PISD: variants seen among roughly 807,000 people sequenced by gnomAD.
PISD encodes phosphatidylserine decarboxylase.
PISD carries 31 observed loss-of-function variants against 43.5 expected under a neutral mutation model. The ratio of observed to expected loss-of-function variants is 0.71; its 90% CI spans 0.54 to 0.96. PISD has a LOEUF of 0.96. Ranked by LOEUF, PISD falls within the 40% of genes least tolerant of loss-of-function variation. The pLI, the probability that PISD is intolerant of heterozygous loss-of-function variation, is 0.00. For synonymous variants in PISD, 259 were observed against 228.7 expected, an observed-to-expected ratio of 1.13 and a Z score of -1.20; for missense variants, 523 against 548.4, an observed-to-expected ratio of 0.95 and a Z score of 0.46.
intron 1 of PISD, among the ~76,000 whole-genome samples, chr22:31,660,501 A>G (rs1018744818): frequency 6.6e-6 from 1 of 151,828 alleles, no homozygotes; most frequent in East Asian, 1.9e-4. Context: ...CCCACCCCCA[A>G]AAAAAATGCA....
chr22:31,649,324 C>T (rs2073972816), intron 2 of PISD, among the ~76,000 whole-genome samples: 6 of 152,140 alleles, frequency 3.9e-5, no homozygotes, highest in African/African-American at 1.2e-4. Flanking sequence ...ATCTGTTATG[C>T]GTTAAATTGC....
rs9956 is a variant in PISD, at chr22:31,619,464, T to C, written c.*148A>G. On this transcript the variant is annotated 3_prime_UTR_variant, in exon 8 of 8. Coordinates refer to ENST00000439502, the MANE Select transcript of PISD (RefSeq NM_001326411.2). ...TTGTCTGCACCTCTGGAACAGGTGGTAGCCGAATCATTCAAGTCCTACCTG... is the reference window on the plus strand; with the variant it reads ...TTGTCTGCACCTCTGGAACAGGTGGCAGCCGAATCATTCAAGTCCTACCTG... The C allele has an allele frequency of 1.4e-6, 1 of 704,548 alleles. No individual in the cohort carries two copies. The highest frequency in any genetic ancestry group is 2.6e-6 in the Non-Finnish European group (1 of 385,910). 43.6% of individuals were successfully genotyped at this position (704,548 alleles called of 1,614,324 possible).
Position 31,630,016 on chromosome 22 carries a change from CT to C in PISD, c.322-8132del, listed in dbSNP as rs2073122894. 1 of 152,352 alleles carries C rather than the reference CT, an allele frequency of 6.6e-6. No individual in the cohort carries two copies. The highest frequency in any genetic ancestry group is 2.4e-5 in the African/African-American group (1 of 41,376). 9.4% of individuals were successfully genotyped at this position (152,352 alleles called of 1,614,324 possible). On this transcript the variant is annotated intron_variant, in intron 3 of 7. Transcript: ENST00000439502. This position sits in a 1 kb window ranked among gnomAD's most constrained non-coding sequence, Gnocchi z 4.4. ...AGGGTGGGGGCAAGGGGCTGACTTT[CT>C]CCCCAGCTCAGCTGAGGCCTGGCCA...
chr22:31,652,499 A>C (rs1228229767), intron 1 of PISD, among the ~76,000 whole-genome samples: 1 of 151,808 alleles, frequency 6.6e-6, no homozygotes, highest in Admixed American at 6.6e-5. Flanking sequence ...TTTCACATAA[A>C]ATTTCCTTGC....
intron 3 of PISD, chr22:31,625,676 A>G (rs2072866534): frequency 6.6e-7 from 1 of 1,504,830 alleles, no homozygotes; most frequent in African/African-American, 1.4e-5. Context: ...CGCCACCTCT[A>G]CTGCGAGGCC....
chr22:31,642,875 G>A (rs919741875), intron 3 of PISD, among the ~76,000 whole-genome samples: 14 of 151,752 alleles, frequency 9.2e-5, no homozygotes, highest in Non-Finnish European at 1.5e-4. Flanking sequence ...GGCTGAGGCG[G>A]GCGGATCACC....
intron 2 of PISD, among the ~76,000 whole-genome samples, chr22:31,649,610 G>A (rs1041199514): frequency 1.3e-5 from 2 of 152,030 alleles, no homozygotes; most frequent in Non-Finnish European, 2.9e-5. Context: ...GTGGGTGCCT[G>A]TAGCCCCAGC....
chr22:31,626,768 G>A (rs546606659), intron 3 of PISD, among the ~76,000 whole-genome samples: 9 of 152,234 alleles, frequency 5.9e-5, no homozygotes, highest in Non-Finnish European at 1.2e-4. Flanking sequence ...CACAGATAGC[G>A]GAAGGAAGAG....
intron 7 of PISD, among the ~76,000 whole-genome samples, 198 bp from the exon 8 acceptor site, chr22:31,620,034 G>A (rs1282099328): frequency 1.3e-5 from 2 of 152,210 alleles, no homozygotes. Context: ...CTTGACACCT[G>A]CTGTGAACTG....
At chr22:31,653,683 C>T (rs1051596509) in intron 1 of PISD, among the ~76,000 whole-genome samples, 1 of 152,118 alleles carries the variant, frequency 6.6e-6, no homozygotes, top group Non-Finnish European at 1.5e-5. Context: ...ATAAAACTTC[C>T]TTGACTTATA....
chr22:31,637,160 AAAAAATATATATATATATATAT>A (rs1234039801), intron 3 of PISD, among the ~76,000 whole-genome samples: 1,437 of 23,356 alleles, frequency 0.062, 59 homozygotes, highest in Admixed American at 0.076. Flanking sequence ...AAAAAAAAAA[AAAAAATATATATATATATATAT>A]ATATATATAT....
chr22:31,647,888 C>G (rs934884169), intron 3 of PISD, among the ~76,000 whole-genome samples: 4 of 152,162 alleles, frequency 2.6e-5, no homozygotes, highest in Non-Finnish European at 5.9e-5. Flanking sequence ...TACTCAGAAC[C>G]CTTGGGGAGA....
chr22:31,641,205 A>AT (rs1347889167), intron 3 of PISD, among the ~76,000 whole-genome samples: 2 of 151,732 alleles, frequency 1.3e-5, no homozygotes, highest in Non-Finnish European at 2.9e-5. Flanking sequence ...TCAGCATATG[A>AT]TTTTTTTTCT....
upstream of PISD, chr22:31,662,328 C>A: frequency 2.0e-6 from 2 of 998,148 alleles, no homozygotes; most frequent in Non-Finnish European, 3.1e-6. Flanking sequence ...GCGGAGCCGA[C>A]TAAGCTCCGC....
Position 31,621,461 on chromosome 22 carries a change from C to G in PISD, c.570G>C (p.Ser190=), listed in dbSNP as rs531463079. The G allele has an allele frequency of 7.4e-6, 12 of 1,614,116 alleles. No homozygotes were observed. The East Asian group carries it at 2.0e-4, about 27-fold the overall frequency. The change falls in exon 5 of 8, where the codon TCG becomes TCC. Residue 190 remains serine, a synonymous_variant. Coordinates refer to ENST00000439502, the MANE Select transcript of PISD (RefSeq NM_001326411.2). The stretch of plus-strand genomic sequence containing the variant: ...GCCCAAAGTTGAGGATCCTTCCATC[C>G]GATGGGCTAATCTGGAAGGGCAGGA... ...VCGLHSVISP[S]DGRILNFGQV... is the part of the protein sequence containing the mutation.
chr22:31,630,700 AC>A lies in PISD; in HGVS notation c.322-8816del. The stretch of plus-strand genomic sequence containing the variant: ...CTGCGACCGAAGGCCCTAGAAGGGC[AC>A]CCCCACCCGGCACTGGCCCTCTGAG... On this transcript the variant is annotated intron_variant, in intron 3 of 7. Transcript: ENST00000439502. This position sits in a 1 kb window ranked among gnomAD's most constrained non-coding sequence, Gnocchi z 4.4. The A allele has an allele frequency of 1.0e-6, 1 of 983,654 alleles. No homozygotes were observed. The highest frequency in any genetic ancestry group is 1.7e-5 in the African/African-American group (1 of 57,296). The allele number at this position is 983,654 out of a possible 1,614,324, so 60.9% of individuals were successfully genotyped here. A position where few individuals can be genotyped will look rare whatever the true frequency, so the allele number is the denominator to read the frequency against.
intron 3 of PISD, among the ~76,000 whole-genome samples, chr22:31,637,164 A>ATAT (rs1205211767): frequency 1.2e-3 from 16 of 13,610 alleles, no homozygotes; most frequent in African/African-American, 1.9e-3. Flanking sequence ...AAAAAAAAAA[A>ATAT]ATATATATAT....
intron 3 of PISD, among the ~76,000 whole-genome samples, chr22:31,646,606 T>C (rs936933785): frequency 6.6e-6 from 1 of 152,176 alleles, no homozygotes; most frequent in Non-Finnish European, 1.5e-5. Context: ...TGCAAGCTCA[T>C]CACAGGGTGA....
At chr22:31,634,639 A>C (rs1601377791) in intron 3 of PISD, among the ~76,000 whole-genome samples, 1 of 152,204 alleles carries the variant, frequency 6.6e-6, no homozygotes, top group Middle Eastern at 3.4e-3. Context: ...GAAGTTCAAC[A>C]CCAGCCTGGC....
Sources: gnomAD v4.1 joint callset for allele counts (sites outside exome capture counted in the v4.1 genomes callset) on GRCh38, gnomAD v4.1.1 for gene constraint, Gnocchi (gnomAD v3.1) non-coding constraint, MANE v1.5 for transcripts, NCBI Gene and HGNC (gene_info 2026-07-23, HGNC 2026-07-21) for gene names.